The following SPOCK1 variants were observed in gnomAD, a reference collection of about 807,000 sequenced individuals.
SPOCK1 encodes the protein testican-1.
SPOCK1 carries 23 observed loss-of-function variants against 55.3 expected under a neutral mutation model. The ratio of observed to expected loss-of-function variants is 0.42; its 90% confidence interval spans 0.30 to 0.59. The LOEUF (loss-of-function observed/expected upper bound fraction) is 0.59, where lower values mean the gene tolerates loss of function less well. Ranked by LOEUF, SPOCK1 falls within the 20% of genes least tolerant of loss-of-function variation. The probability of loss-of-function intolerance (pLI) is 0.22; values close to 1 mark genes in which losing one functional copy is unlikely to be tolerated. For missense variants in SPOCK1, 499 were observed against 552.5 expected (o/e 0.90, Z 0.97); for synonymous variants, 226 against 221.0 (o/e 1.02, Z -0.20).
chr5:136,979,309 C>A (rs1191573976), intron 10 of SPOCK1, 23 bp downstream of exon 10: 2 of 1,613,288 alleles, frequency 1.2e-6, no homozygotes, highest in Non-Finnish European at 1.7e-6. Flanking sequence ...CATTGTGGGG[C>A]TCATGCAGGA....
intron 4 of SPOCK1, among the ~76,000 whole-genome samples, chr5:137,127,937 T>C (rs547275565): frequency 6.6e-6 from 1 of 152,240 alleles, no homozygotes; most frequent in Non-Finnish European, 1.5e-5. Context: ...ATTTTGCATA[T>C]GAAAAGGACA....
chr5:137,272,909 T>C (rs1306908788), intron 2 of SPOCK1, among the ~76,000 whole-genome samples: 2 of 152,194 alleles, frequency 1.3e-5, no homozygotes, highest in African/African-American at 4.8e-5. Flanking sequence ...TCTGTATCCC[T>C]GTGAAATTCC....
chr5:137,286,126 T>A (rs1362569704), intron 2 of SPOCK1, among the ~76,000 whole-genome samples: 2 of 152,144 alleles, frequency 1.3e-5, no homozygotes, highest in Non-Finnish European at 2.9e-5. Context: ...ATAAAGGGAA[T>A]GAGGTGCTGA....
intron 2 of SPOCK1, among the ~76,000 whole-genome samples, chr5:137,337,267 A>C (rs1262969191): frequency 6.6e-6 from 1 of 152,256 alleles, no homozygotes; most frequent in Admixed American, 6.5e-5. Flanking sequence ...GCAGAGCTAT[A>C]GGATGGGACT....
Position 136,977,932 on chromosome 5 carries a change from C to CCAAA in SPOCK1, c.*718_*721dup, listed in dbSNP as rs35753805. On this transcript the variant is annotated 3_prime_UTR_variant, in exon 11 of 11. Transcript: ENST00000394945. ...ATTGTTTTTCGAGTTTTTAAGATAC[C>CCAAA]CAAACACTTTTTCTGAGAGGTATGG... 57 of 398,436 alleles carry CCAAA rather than the reference C, an allele frequency of 1.4e-4. No individual in the cohort carries two copies. Among genetic ancestry groups the CCAAA allele is most frequent in the Non-Finnish European group, 2.4e-4 (54 of 225,882 alleles). 24.7% of individuals were successfully genotyped at this position (398,436 alleles called of 1,614,324 possible). A position where few individuals can be genotyped will look rare whatever the true frequency, so the allele number is the denominator to read the frequency against.
intron 4 of SPOCK1, among the ~76,000 whole-genome samples, chr5:137,119,904 T>C (rs1753655596): frequency 6.6e-6 from 1 of 152,216 alleles, no homozygotes. Flanking sequence ...TCAAGCCCTT[T>C]ATTTGATCTG....
chr5:137,267,146 A>G, intron 2 of SPOCK1, 91 bp from the exon 3 acceptor site: 1 of 1,055,778 alleles, frequency 9.5e-7, no homozygotes, highest in Non-Finnish European at 1.4e-6. Context: ...TCACCTCCCA[A>G]AACACAAAGG....
intron 3 of SPOCK1, among the ~76,000 whole-genome samples, chr5:137,166,655 C>CA (rs1205309041): frequency 6.6e-6 from 1 of 151,576 alleles, no homozygotes; most frequent in African/African-American, 2.4e-5. Context: ...TAAATAAAAA[C>CA]AAAAAAAGCT....
chr5:137,407,753 TAAG>T (rs1252742826), intron 2 of SPOCK1, among the ~76,000 whole-genome samples: 1 of 152,132 alleles, frequency 6.6e-6, no homozygotes, highest in Non-Finnish European at 1.5e-5. Flanking sequence ...TTCTGCTCTG[TAAG>T]AAAACACAAG....
intron 2 of SPOCK1, among the ~76,000 whole-genome samples, chr5:137,370,623 A>G (rs1338389321): frequency 6.6e-6 from 1 of 152,220 alleles, no homozygotes; most frequent in Non-Finnish European, 1.5e-5. Flanking sequence ...CCAGTGACAC[A>G]TATCTTTCCT....
chr5:137,480,684 C>T (rs556312912), intron 2 of SPOCK1, among the ~76,000 whole-genome samples: 3 of 152,296 alleles, frequency 2.0e-5, no homozygotes, highest in East Asian at 1.9e-4. Flanking sequence ...CCCCACTCCA[C>T]GTCACCCACC....
chr5:137,261,544 G>A (rs898161621), intron 3 of SPOCK1, among the ~76,000 whole-genome samples: 2 of 152,170 alleles, frequency 1.3e-5, no homozygotes, highest in African/African-American at 4.8e-5. Context: ...CACGAGAACA[G>A]CATGAGTGAA....
intron 6 of SPOCK1, among the ~76,000 whole-genome samples, chr5:137,059,321 A>G (rs574179540): frequency 6.6e-6 from 1 of 152,358 alleles, no homozygotes; most frequent in South Asian, 2.1e-4. Flanking sequence ...TGTATGATAT[A>G]TAAAAGGCAG....
At chr5:137,459,711 C>T (rs903024902) in intron 2 of SPOCK1, among the ~76,000 whole-genome samples, 5 of 152,244 alleles carry the variant, frequency 3.3e-5, no homozygotes, top group Admixed American at 6.5e-5. Context: ...AAGTGCCCTG[C>T]GCTCCAGGAG....
intron 3 of SPOCK1, among the ~76,000 whole-genome samples, chr5:137,141,212 G>T (rs1213155963): frequency 1.3e-5 from 2 of 152,180 alleles, no homozygotes; most frequent in Non-Finnish European, 2.9e-5. Flanking sequence ...CAACATCAGG[G>T]GAGCAATTCC....
At chr5:137,115,876 A>G (rs1045434731) in intron 4 of SPOCK1, among the ~76,000 whole-genome samples, 4 of 152,238 alleles carry the variant, frequency 2.6e-5, no homozygotes, top group Admixed American at 6.5e-5. Flanking sequence ...TCATAAAAAA[A>G]TAACTAACCC....
chr5:137,179,265 A>G (rs534021728), intron 3 of SPOCK1, among the ~76,000 whole-genome samples: 28 of 152,256 alleles, frequency 1.8e-4, no homozygotes, highest in African/African-American at 6.5e-4. Context: ...CCTTCTCCCA[A>G]TTTGATCTAA....
intron 2 of SPOCK1, among the ~76,000 whole-genome samples, chr5:137,388,219 A>G (rs910761404): frequency 2.6e-5 from 4 of 152,236 alleles, no homozygotes; most frequent in African/African-American, 9.6e-5. Flanking sequence ...ACTAGTATTT[A>G]CTGAGTGGAT....
chr5:137,182,171 G>C (rs535504101), intron 3 of SPOCK1, among the ~76,000 whole-genome samples: 5 of 152,134 alleles, frequency 3.3e-5, no homozygotes, highest in Non-Finnish European at 5.9e-5. Flanking sequence ...CTGGAATAAA[G>C]TTTAAATTGC....
Sources: allele counts gnomAD v4.1 joint callset (sites outside exome capture counted in the v4.1 genomes callset), GRCh38; gene constraint gnomAD v4.1.1; transcripts MANE v1.5; gene names NCBI Gene and HGNC (gene_info 2026-07-23, HGNC 2026-07-21).